Variants in GOLGA3 observed in about 807,000 individuals in gnomAD.
GOLGA3 encodes golgin A3.
In GOLGA3, 75 loss-of-function variants were observed where a neutral mutation model predicts 169.4. The ratio of observed to expected loss-of-function variants is 0.44; its 90% CI spans 0.37 to 0.54. The LOEUF (loss-of-function observed/expected upper bound fraction) is 0.54, where lower values mean the gene tolerates loss of function less well. GOLGA3 is among the 20% of genes least tolerant of loss of function. The pLI is 0.00. For missense variants in GOLGA3, 1,899 were observed against 1,930.0 expected, an observed-to-expected ratio of 0.98 and a Z score of 0.30; for synonymous variants, 824 against 822.4, an observed-to-expected ratio of 1.00 and a Z score of -0.03.
intron 15 of GOLGA3, 146 bp downstream of exon 15, chr12:132,786,193 C>T: frequency 1.7e-6 from 1 of 603,906 alleles, no homozygotes; most frequent in Non-Finnish European, 2.9e-6. Flanking sequence ...TCCTGGTAAC[C>T]TGGAAGATGA....
chr12:132,792,166 T>A (rs1052308157), intron 11 of GOLGA3, among the ~76,000 whole-genome samples: 55 of 152,276 alleles, frequency 3.6e-4, no homozygotes, highest in African/African-American at 1.3e-3. Flanking sequence ...AGCACTTGTG[T>A]TCTGACGGGA....
At chr12:132,801,438 G>A (rs963661616) in intron 8 of GOLGA3, among the ~76,000 whole-genome samples, 5 of 152,092 alleles carry the variant, frequency 3.3e-5, no homozygotes, top group South Asian at 2.1e-4. Context: ...ACACTGTGCC[G>A]AGTCAGGAGG....
chr12:132,791,560 G>C (rs907281891), intron 11 of GOLGA3, among the ~76,000 whole-genome samples: 2 of 151,530 alleles, frequency 1.3e-5, no homozygotes, highest in Admixed American at 1.3e-4. Flanking sequence ...CATCTGCAGC[G>C]ATGTTACACT....
At chr12:132,811,803 G>C (rs1242763324) in intron 4 of GOLGA3, 4 of 944,826 alleles carry the variant, frequency 4.2e-6, no homozygotes, top group Non-Finnish European at 3.8e-6. Flanking sequence ...GGTATAAGAA[G>C]AACACGCTGG....
rs142803602 is a variant in GOLGA3 at position 132,816,773 on chromosome 12, G to A, written c.173C>T (p.Pro58Leu). The A allele has an allele frequency of 7.5e-5, 120 of 1,608,474 alleles. No homozygotes were observed. The highest frequency in any genetic ancestry group is 1.6e-4 in the South Asian group (15 of 91,010). Residue 58 changes from proline (P) to leucine (L), a missense_variant, in exon 3 of 24, where the codon CCG becomes CTG. Pro to Leu is a moderately conservative substitution (Grantham distance 98). Transcript: ENST00000450791. ...VNRASTEGESPDGPGQGGLCQ... is the reference protein window; with the variant it reads ...VNRASTEGESLDGPGQGGLCQ... Reference sequence around the variant, plus strand: ...GAGGCCTCCCTGGCCAGGTCCATCCGGGCTTTCCCCTTCCGTGGATGCTCT... The same window carrying A: ...GAGGCCTCCCTGGCCAGGTCCATCCAGGCTTTCCCCTTCCGTGGATGCTCT...
At chr12:132,782,895 AAAAG>A (rs1403478932) in intron 16 of GOLGA3, among the ~76,000 whole-genome samples, 2 of 151,792 alleles carry the variant, frequency 1.3e-5, no homozygotes, top group East Asian at 3.9e-4. Context: ...AAAAAAAAGA[AAAAG>A]AAAAGAAAAG....
intron 7 of GOLGA3, among the ~76,000 whole-genome samples, chr12:132,803,681 T>C (rs1171574466): frequency 6.6e-6 from 1 of 152,098 alleles, no homozygotes; most frequent in African/African-American, 2.4e-5. Context: ...GCTTTCTCTT[T>C]CCTAGTATTA....
At position 132,782,288 on chromosome 12, in the gene GOLGA3, T is replaced by C. The variant is rs750163671; in HGVS notation, c.3465+8A>G. On this transcript the variant is annotated splice_region_variant and intron_variant, in intron 17 of 23. Coordinates refer to ENST00000450791, the MANE Select transcript of GOLGA3 (RefSeq NM_001389683.1). The stretch of plus-strand genomic sequence containing the variant: ...CGTTGCTGGCGTGAGTTTGACGAGT[T>C]TGAATACCTGAAGGTTCAACTGGAC... The C allele has an allele frequency of 4.3e-6, 7 of 1,611,120 alleles. No homozygotes were observed. Among genetic ancestry groups the C allele is most frequent in the Admixed American group, 1.7e-5 (1 of 60,010 alleles).
At position 132,776,673 on chromosome 12, in the gene GOLGA3, C is replaced by G. The variant is rs747235722; in HGVS notation, c.3939G>C (p.Gln1313His). The G allele has an allele frequency of 1.9e-5, 30 of 1,614,066 alleles. No homozygotes were observed. Among genetic ancestry groups the G allele is most frequent in the Non-Finnish European group, 2.4e-5 (28 of 1,180,016 alleles). The change falls in exon 21 of 24, where the codon CAG becomes CAC. Residue 1313 changes from glutamine (Q) to histidine (H), a missense_variant. Physicochemically the swap from Gln to His is conservative, Grantham distance 24. Coordinates refer to ENST00000450791, the MANE Select transcript of GOLGA3 (RefSeq NM_001389683.1). ...LKQQLDLTEQ[Q>H]GRKELEGLQQ... is the part of the protein sequence containing the mutation. ...GTAGCCCTTCCAGTTCCTTCCTGCC[C>G]TGCTGCTCCGTCAAGTCCAGCTGCT... is the stretch of plus-strand genomic sequence containing the variant.
intron 8 of GOLGA3, 57 bp downstream of exon 8, chr12:132,801,710 C>G: frequency 1.3e-6 from 2 of 1,482,904 alleles, no homozygotes; most frequent in Non-Finnish European, 1.9e-6. Flanking sequence ...GAAAAAGCAC[C>G]GTTCTACATG....
intron 4 of GOLGA3, among the ~76,000 whole-genome samples, chr12:132,811,143 A>G (rs1949686684): frequency 6.6e-6 from 1 of 152,046 alleles, no homozygotes; most frequent in Admixed American, 6.5e-5. Context: ...TATCCAATAA[A>G]TAACAGCACA....
chr12:132,825,725 G>A lies in GOLGA3; in HGVS notation c.-184+3078C>T, dbSNP rs971633406. ...GATGGCGGACATTCAGACTGAGCGT[G>A]CCTACCAAAAGCAGCCGACCATCTT... On this transcript the variant is annotated intron_variant, in intron 1 of 23. Coordinates refer to ENST00000450791, the MANE Select transcript of GOLGA3 (RefSeq NM_001389683.1). 4 of 1,539,446 alleles carry A rather than the reference G, an allele frequency of 2.6e-6. No individual in the cohort carries two copies. In the African/African-American group the frequency reaches 5.5e-5, roughly 21 times the overall value.
chr12:132,812,660 T>C (rs1949775162), intron 4 of GOLGA3, among the ~76,000 whole-genome samples: 3 of 152,234 alleles, frequency 2.0e-5, no homozygotes, highest in Admixed American at 2.0e-4. Context: ...GCACTAGAAC[T>C]AGAAGTGGAG....
At chr12:132,779,478 T>C (rs773852899) in intron 18 of GOLGA3, among the ~76,000 whole-genome samples, 19 of 152,324 alleles carry the variant, frequency 1.2e-4, no homozygotes, top group Non-Finnish European at 2.6e-4. Flanking sequence ...TCAATTACAT[T>C]ATCATAGAAA....
chr12:132,791,050 CAAAAAAAAAAAAAAAAAAA>C (rs771719474), intron 12 of GOLGA3, among the ~76,000 whole-genome samples, 147 bp downstream of exon 12: 83 of 52,654 alleles, frequency 1.6e-3, no homozygotes, highest in South Asian at 8.2e-3. Flanking sequence ...GACTCCGTCT[CAAAAAAAAAAAAAAAAAAA>C]AAAAAAAAAA....
chr12:132,825,549 T>C (rs963213115), intron 1 of GOLGA3, among the ~76,000 whole-genome samples: 10 of 152,212 alleles, frequency 6.6e-5, no homozygotes, highest in Non-Finnish European at 1.5e-4. Flanking sequence ...AACAAAATGA[T>C]TAAGTATTTG....
intron 7 of GOLGA3, among the ~76,000 whole-genome samples, chr12:132,803,197 C>T (rs1327380370): frequency 3.3e-5 from 5 of 152,290 alleles, no homozygotes; most frequent in East Asian, 1.9e-4. Flanking sequence ...GCCTGCAGCC[C>T]GGCTGAGCAC....
rs1429781954 is a variant in GOLGA3, at chr12:132,769,524, T to G, written c.*3581A>C. The G allele has an allele frequency of 6.6e-6, 1 of 152,208 alleles. No individual in the cohort carries two copies. The highest frequency in any genetic ancestry group is 1.5e-5 in the Non-Finnish European group (1 of 68,060). The allele number at this position is 152,208 out of a possible 1,614,324, so 9.4% of individuals were successfully genotyped here. ...ATCAGAAACACTGCCTGATCCATAT[T>G]GCAGAGAGTGGGAACGGGTGTGAGT... On this transcript the variant is annotated 3_prime_UTR_variant, in exon 24 of 24. Transcript: ENST00000450791.
At position 132,786,382 on chromosome 12, in the gene GOLGA3, A is replaced by G; in HGVS notation, c.3080T>C (p.Leu1027Pro). 6.2e-7 allele frequency: 1 copy of G among 1,608,850 alleles called. No homozygotes were observed. Among genetic ancestry groups the G allele is most frequent in the Non-Finnish European group, 8.5e-7 (1 of 1,177,298 alleles). ...KEAADAELGQ[L>P]RAQGGSSDSS... ...GTCACTGCTGCCACCCTGGGCTCGG[A>G]GCTGGCCCAGCTCCGCGTCCGCAGC... Residue 1027 changes from leucine (L) to proline (P), a missense_variant, in exon 15 of 24, where the codon CTC (leucine) becomes CCC (proline). Transcript: ENST00000450791.
Sources: gnomAD v4.1 joint callset for allele counts (sites outside exome capture counted in the v4.1 genomes callset) on GRCh38, gnomAD v4.1.1 for gene constraint, MANE v1.5 for transcripts, NCBI Gene and HGNC (gene_info 2026-07-23, HGNC 2026-07-21) for gene names.